The following FBXO11 variants were observed in gnomAD, a reference collection of about 807,000 sequenced individuals.
FBXO11 encodes F-box only protein 11.
A neutral mutation model predicts 117.0 loss-of-function variants in FBXO11; 13 were observed. The observed-to-expected ratio is 0.11, with a 90% CI of 0.07 to 0.18. FBXO11 has a LOEUF of 0.18. Ranked by LOEUF, FBXO11 falls within the 10% of genes least tolerant of loss-of-function variation. The pLI is 1.00. For synonymous variants in FBXO11, 490 were observed against 380.5 expected, an observed-to-expected ratio of 1.29 and a Z score of -3.35; for missense variants, 767 against 1,164.4, an observed-to-expected ratio of 0.66 and a Z score of 4.97.
intron 1 of FBXO11, among the ~76,000 whole-genome samples, chr2:47,880,528 A>C (rs1456594689): frequency 6.6e-6 from 1 of 152,216 alleles, no homozygotes; most frequent in Admixed American, 6.5e-5. Flanking sequence ...TTATAAAATT[A>C]AAAAACATTG....
At chr2:47,821,587 G>A (rs964029243) in intron 13 of FBXO11, among the ~76,000 whole-genome samples, 1 of 151,238 alleles carries the variant, frequency 6.6e-6, no homozygotes, top group Non-Finnish European at 1.5e-5. Context: ...TCCAGCCTGG[G>A]TGATAGAGAG....
At chr2:47,816,325 G>A (rs1179969652) in intron 16 of FBXO11, among the ~76,000 whole-genome samples, 4 of 152,044 alleles carry the variant, frequency 2.6e-5, no homozygotes, top group Admixed American at 6.6e-5. Context: ...GACCACAGGC[G>A]CATGCCACCA....
intron 1 of FBXO11, among the ~76,000 whole-genome samples, chr2:47,848,942 T>C (rs1161809201): frequency 1.3e-5 from 2 of 152,216 alleles, no homozygotes; most frequent in Admixed American, 1.3e-4. Context: ...AAGAGTAGTT[T>C]ATGGAATTTA....
intron 1 of FBXO11, among the ~76,000 whole-genome samples, chr2:47,856,368 C>T (rs1558446471): frequency 6.6e-6 from 1 of 152,062 alleles, no homozygotes; most frequent in Non-Finnish European, 1.5e-5. Flanking sequence ...GAGGAAGACA[C>T]GGTATGCAGC....
chr2:47,815,032 A>G (rs919191363), intron 16 of FBXO11, among the ~76,000 whole-genome samples: 3 of 152,138 alleles, frequency 2.0e-5, no homozygotes, highest in African/African-American at 7.2e-5. Flanking sequence ...TCCATTTTCT[A>G]ATTCTACTTC....
At chr2:47,875,852 G>C (rs1034621363) in intron 1 of FBXO11, among the ~76,000 whole-genome samples, 1 of 151,994 alleles carries the variant, frequency 6.6e-6, no homozygotes, top group African/African-American at 2.4e-5. Context: ...CATTCCTTTA[G>C]TTCTGCTGGT....
chr2:47,845,268 C>T (rs1209177053), intron 1 of FBXO11, among the ~76,000 whole-genome samples: 2 of 151,986 alleles, frequency 1.3e-5, no homozygotes, highest in East Asian at 1.9e-4. Context: ...CATTTGCATC[C>T]TAAAATGTAC....
At chr2:47,888,848 T>C (rs1044245401) in intron 1 of FBXO11, 5 of 156,482 alleles carry the variant, frequency 3.2e-5, no homozygotes, top group African/African-American at 1.2e-4. Context: ...TTTTTTTCTG[T>C]CCACACAGAT....
At chr2:47,861,687 G>T (rs1253932684) in intron 1 of FBXO11, among the ~76,000 whole-genome samples, 1 of 152,110 alleles carries the variant, frequency 6.6e-6, no homozygotes, top group South Asian at 2.1e-4. Flanking sequence ...TGAGACACAA[G>T]AAGTTAACTT....
At chr2:47,821,591 T>C (rs1299688598) in intron 13 of FBXO11, among the ~76,000 whole-genome samples, 1 of 142,150 alleles carries the variant, frequency 7.0e-6, no homozygotes, top group Non-Finnish European at 1.5e-5. Flanking sequence ...GCCTGGGTGA[T>C]AGAGAGAGAC....
chr2:47,863,934 C>T (rs1436695636), intron 1 of FBXO11, among the ~76,000 whole-genome samples: 1 of 150,060 alleles, frequency 6.7e-6, no homozygotes, highest in Admixed American at 6.6e-5. Flanking sequence ...GAGTGAGACT[C>T]TGTCTCAAAA....
rs537241916 is a variant in FBXO11, at chr2:47,812,173, T to C, written c.2227+1061A>G. On this transcript the variant is annotated intron_variant, in intron 18 of 22. Coordinates refer to ENST00000403359, the MANE Select transcript of FBXO11 (RefSeq NM_001190274.2). ...ATTTTCTGTACCTCTTCCCTTACTT[T>C]CAGTTTCCTCTAGACTTTTGTTTAC... 1.6e-3 allele frequency among the ~76,000 whole-genome samples: 251 copies of C among 152,354 alleles called. 12 individuals are homozygous for C. In the South Asian group the frequency reaches 0.05, roughly 30 times the overall value.
At chr2:47,862,233 T>C (rs374420832) in intron 1 of FBXO11, among the ~76,000 whole-genome samples, 11 of 152,282 alleles carry the variant, frequency 7.2e-5, no homozygotes, top group African/African-American at 2.6e-4. Flanking sequence ...AGTTTTCTTA[T>C]AGTTTAAGCC....
chr2:47,903,651 T>C (rs908519410), intron 1 of FBXO11, among the ~76,000 whole-genome samples: 12 of 152,200 alleles, frequency 7.9e-5, no homozygotes, highest in Non-Finnish European at 1.5e-4. Context: ...GGAGACTAAA[T>C]TGTTTGACAC....
intron 18 of FBXO11, among the ~76,000 whole-genome samples, chr2:47,812,546 C>G (rs774308205): frequency 2.0e-5 from 3 of 152,184 alleles, no homozygotes; most frequent in Non-Finnish European, 4.4e-5. Flanking sequence ...CCTGGAGAGT[C>G]TGTCAATGGA....
chr2:47,905,321 C>A (rs1381320015), intron 1 of FBXO11, 168 bp downstream of exon 1: 5 of 631,478 alleles, frequency 7.9e-6, no homozygotes, highest in African/African-American at 1.9e-5. Context: ...CCGGCCGGGC[C>A]CGGCCCGGGC....
intron 1 of FBXO11, among the ~76,000 whole-genome samples, chr2:47,863,055 C>CAAAAAAAAAAAAAAAACAA (rs1674906412): frequency 1.4e-5 from 1 of 73,930 alleles, no homozygotes; most frequent in East Asian, 4.8e-4. Context: ...AACTGTGTCT[C>CAAAAAAAAAAAAAAAACAA]AAAAAAAAAA....
At chr2:47,863,898 G>T (rs1210699671) in intron 1 of FBXO11, among the ~76,000 whole-genome samples, 1 of 150,562 alleles carries the variant, frequency 6.6e-6, no homozygotes, top group Non-Finnish European at 1.5e-5. Context: ...CCAAGATTGT[G>T]CCAATGCACT....
intron 1 of FBXO11, among the ~76,000 whole-genome samples, chr2:47,859,041 C>CAAAA (rs11337552): frequency 1.5e-4 from 15 of 102,990 alleles, no homozygotes; most frequent in Non-Finnish European, 1.8e-4. Flanking sequence ...ACTCTGTCTC[C>CAAAA]AAAAAAAAAA....
Sources: gnomAD v4.1 joint callset for allele counts (sites outside exome capture counted in the v4.1 genomes callset) on GRCh38, gnomAD v4.1.1 for gene constraint, MANE v1.5 for transcripts, NCBI Gene and HGNC (gene_info 2026-07-23, HGNC 2026-07-21) for gene names.